The following CARF variants were observed in gnomAD, a reference collection of about 807,000 sequenced individuals.
CARF encodes the protein calcium responsive transcription factor.
CARF carries 57 observed loss-of-function variants against 82.0 expected under a neutral mutation model. The ratio of observed to expected loss-of-function variants is 0.70; its 90% CI spans 0.56 to 0.87. The LOEUF (loss-of-function observed/expected upper bound fraction) is 0.87, where lower values mean the gene tolerates loss of function less well. Among genes scored for constraint, CARF ranks in the 40% least tolerant of loss-of-function variants. The pLI, the probability that CARF is intolerant of heterozygous loss-of-function variation, is 0.00. For synonymous variants in CARF, 268 were observed against 290.1 expected (o/e 0.92, Z 0.77); for missense variants, 771 against 855.8 (o/e 0.90, Z 1.24).
intron 13 of CARF, 42 bp downstream of exon 13, chr2:202,974,538 AG>A: frequency 6.6e-7 from 1 of 1,519,400 alleles, no homozygotes; most frequent in Non-Finnish European, 8.9e-7. Context: ...AGTCTTTCTC[AG>A]CTTCTATTAA....
In CARF at chr2:202,912,357, C is replaced by T. The variant is rs1415156902; in HGVS notation, c.-1075C>T. 6.6e-6 allele frequency: 1 copy of T among 152,012 alleles called. No homozygotes were observed. The highest frequency in any genetic ancestry group is 2.1e-4 in the South Asian group (1 of 4,816). 9.4% of individuals were successfully genotyped at this position (152,012 alleles called of 1,614,324 possible). A position where few individuals can be genotyped will look rare whatever the true frequency, so the allele number is the denominator to read the frequency against. On this transcript the variant is annotated 5_prime_UTR_variant, in exon 1 of 17. Coordinates refer to ENST00000438828, the MANE Select transcript of CARF (RefSeq NM_024744.17). ...AGACTCGTTTTGAATTTTCTCCCCT[C>T]TGCTCCGGCGGACTTCCCATGTCGC...
rs759099853 is a variant in CARF at position 202,974,393 on chromosome 2, CT to C, written c.1398del (p.Pro467GlnfsTer3). On this transcript the variant is annotated frameshift_variant, in exon 13 of 17. Coordinates refer to ENST00000438828, the MANE Select transcript of CARF (RefSeq NM_024744.17). LOFTEE classifies it high-confidence loss of function. ...GAGGTACCTGAAAGACATAATTTAT[CT>C]TTTTTTCCAACTGTAAATGATATAA... Reference protein sequence around the residue: ...PDEVPERHNLSFFPTVNDIKN... With the variant: ...PDEVPERHNLXFFPTVNDIKN... 6 of 1,609,764 alleles carry C rather than the reference CT, an allele frequency of 3.7e-6. No homozygotes were observed. In the Admixed American group the frequency reaches 1.0e-4, roughly 27 times the overall value.
intron 3 of CARF, among the ~76,000 whole-genome samples, chr2:202,935,861 C>T (rs535810742): frequency 2.0e-5 from 3 of 152,230 alleles, no homozygotes; most frequent in Non-Finnish European, 4.4e-5. Context: ...CTGTTGCACA[C>T]GCTGAATTGC....
chr2:202,930,433 T>A (rs1407636272), intron 3 of CARF, among the ~76,000 whole-genome samples: 1 of 152,186 alleles, frequency 6.6e-6, no homozygotes, highest in Admixed American at 6.5e-5. Context: ...CCTTCTTTTC[T>A]CTCTCTGGGT....
chr2:202,933,072 T>G (rs1444733765), intron 3 of CARF, among the ~76,000 whole-genome samples: 5 of 152,252 alleles, frequency 3.3e-5, no homozygotes, highest in African/African-American at 1.2e-4. Context: ...ATGACTGCTC[T>G]GAGCAGCTAA....
intron 3 of CARF, among the ~76,000 whole-genome samples, chr2:202,936,343 G>A (rs533043724): frequency 2.0e-4 from 30 of 152,146 alleles, no homozygotes; most frequent in African/African-American, 6.7e-4. Flanking sequence ...TTTACTGACA[G>A]TTCATTCACA....
intron 3 of CARF, chr2:202,934,673 T>G (rs995402864): frequency 6.6e-6 from 1 of 152,268 alleles, no homozygotes; most frequent in African/African-American, 2.4e-5. Context: ...CGGGCTCGTC[T>G]GGAATTCCTG....
At chr2:202,914,232 C>T (rs899180373) in intron 1 of CARF, among the ~76,000 whole-genome samples, 1 of 152,040 alleles carries the variant, frequency 6.6e-6, no homozygotes, top group African/African-American at 2.4e-5. Context: ...TCTGGAGAAC[C>T]ACAGTTTGGA....
At chr2:202,966,878 T>G in intron 9 of CARF, 100 bp from the exon 10 acceptor site, 1 of 1,099,652 alleles carries the variant, frequency 9.1e-7, no homozygotes, top group South Asian at 1.7e-5. Flanking sequence ...AGCTGTATAT[T>G]TGAAAGATTT....
intron 5 of CARF, among the ~76,000 whole-genome samples, chr2:202,948,473 T>C (rs1194673644): frequency 6.6e-6 from 1 of 152,206 alleles, no homozygotes; most frequent in African/African-American, 2.4e-5. Flanking sequence ...TATTGATTCT[T>C]TCTGTCCATG....
intron 13 of CARF, among the ~76,000 whole-genome samples, chr2:202,974,946 A>G (rs1383149491): frequency 6.6e-6 from 1 of 152,108 alleles, no homozygotes; most frequent in African/African-American, 2.4e-5. Context: ...TAAATACTCA[A>G]TGTTTAGAAA....
chr2:202,983,417 GTTA>G, intron 16 of CARF, 86 bp from the exon 17 acceptor site: 1 of 832,040 alleles, frequency 1.2e-6, no homozygotes, highest in South Asian at 1.7e-5. Context: ...TTTCACAGAA[GTTA>G]TTTTTAGAAT....
intron 2 of CARF, among the ~76,000 whole-genome samples, chr2:202,920,245 C>T (rs1690541793): frequency 6.6e-6 from 1 of 151,678 alleles, no homozygotes; most frequent in Admixed American, 6.6e-5. Flanking sequence ...AGCTCCGCCT[C>T]CCGGGTTCAC....
chr2:202,963,845 G>A (rs913156489), intron 9 of CARF, among the ~76,000 whole-genome samples: 3 of 152,128 alleles, frequency 2.0e-5, no homozygotes, highest in Non-Finnish European at 4.4e-5. Flanking sequence ...CTGACAGGAG[G>A]CAGAGCTCAG....
At chr2:202,920,618 C>T (rs1011800905) in intron 2 of CARF, among the ~76,000 whole-genome samples, 23 of 151,600 alleles carry the variant, frequency 1.5e-4, no homozygotes, top group East Asian at 3.9e-4. Flanking sequence ...GAGCCAAGAT[C>T]GCGCCATTGC....
intron 5 of CARF, among the ~76,000 whole-genome samples, chr2:202,948,471 C>T (rs1468395365): frequency 6.6e-6 from 1 of 152,042 alleles, no homozygotes; most frequent in African/African-American, 2.4e-5. Flanking sequence ...GATATTGATT[C>T]TTTCTGTCCA....
chr2:202,937,656 C>T (rs1180468641), intron 3 of CARF, among the ~76,000 whole-genome samples: 1 of 151,796 alleles, frequency 6.6e-6, no homozygotes, highest in Non-Finnish European at 1.5e-5. Flanking sequence ...CAGAGTCTTG[C>T]TCTTGTTGCC....
intron 3 of CARF, among the ~76,000 whole-genome samples, chr2:202,930,995 A>G (rs1158240053): frequency 7.9e-6 from 1 of 126,702 alleles, no homozygotes; most frequent in Non-Finnish European, 1.6e-5. Context: ...TTTTTTGGCA[A>G]CGGAGTTTCA....
At chr2:202,964,129 C>G (rs879648828) in intron 9 of CARF, among the ~76,000 whole-genome samples, 2 of 152,038 alleles carry the variant, frequency 1.3e-5, no homozygotes, top group African/African-American at 4.8e-5. Flanking sequence ...CTGAAAAAAC[C>G]GTTTTCTGAG....
Sources: gnomAD v4.1 joint callset for allele counts (sites outside exome capture counted in the v4.1 genomes callset) on GRCh38, gnomAD v4.1.1 for gene constraint, MANE v1.5 for transcripts, NCBI Gene and HGNC (gene_info 2026-07-23, HGNC 2026-07-21) for gene names.